AGMO: variants seen among roughly 807,000 people sequenced by gnomAD.
AGMO encodes glyceryl-ether monooxygenase.
A neutral mutation model predicts 60.2 loss-of-function variants in AGMO; 75 were observed. The ratio of observed to expected loss-of-function variants is 1.25; its 90% confidence interval spans 1.03 to 1.51. The LOEUF (loss-of-function observed/expected upper bound fraction) is 1.51. Ranked by LOEUF, AGMO falls within the 40% of genes most tolerant of loss-of-function variation. The pLI is 0.00. For synonymous variants in AGMO, 261 were observed against 177.1 expected (o/e 1.47, Z -3.76); for missense variants, 763 against 525.5 (o/e 1.45, Z -4.42).
rs1554279782 is a variant in AGMO at position 15,499,932 on chromosome 7, C to CATAT, written c.409+44836_409+44839dup. 2.9e-3 allele frequency among the ~76,000 whole-genome samples: 401 copies of CATAT among 138,948 alleles called. 4 individuals are homozygous for CATAT. The Middle Eastern group carries it at 0.032, about 11-fold the overall frequency. The allele number at this position is 138,948 out of a possible 152,430, so 91.2% of individuals were successfully genotyped here. A position where few individuals can be genotyped will look rare whatever the true frequency, so the allele number is the denominator to read the frequency against. On this transcript the variant is annotated intron_variant, in intron 3 of 12. Transcript: ENST00000342526. ...GCACACACACACACACACACACACA[C>CATAT]ATATATATATATAATATATATATTT...
At chr7:15,438,101 AT>A (rs1342356484) in intron 3 of AGMO, among the ~76,000 whole-genome samples, 18 of 152,280 alleles carry the variant, frequency 1.2e-4, no homozygotes, top group Middle Eastern at 3.4e-3. Flanking sequence ...AAAACGATAG[AT>A]TTTTAGTACG....
At chr7:15,302,845 C>T (rs1322370969) in intron 12 of AGMO, among the ~76,000 whole-genome samples, 2 of 152,052 alleles carry the variant, frequency 1.3e-5, no homozygotes, top group Admixed American at 1.3e-4. Context: ...AAAGATAGGA[C>T]TGAAGCCATG....
At chr7:15,312,769 T>C (rs2128532868) in intron 12 of AGMO, among the ~76,000 whole-genome samples, 1 of 151,840 alleles carries the variant, frequency 6.6e-6, no homozygotes, top group Non-Finnish European at 1.5e-5. Context: ...CTGCAACCTC[T>C]GCCTCCTGGG....
intron 12 of AGMO, among the ~76,000 whole-genome samples, chr7:15,267,953 C>G (rs1377561866): frequency 1.3e-5 from 2 of 151,906 alleles, no homozygotes. Flanking sequence ...AAATTTTACT[C>G]TAAATTAAAT....
the AGMO span, among the ~76,000 whole-genome samples, chr7:15,126,768 C>A: frequency 6.6e-6 from 1 of 152,076 alleles, no homozygotes; most frequent in East Asian, 1.9e-4. Flanking sequence ...TGGGAAAAAT[C>A]CACATTCTAT....
In AGMO at chr7:15,313,826, G is replaced by GC. The variant is rs1241682002; in HGVS notation, c.1263+51687_1263+51688insG. Among the ~76,000 whole-genome samples the GC allele has an allele frequency of 1.7e-4, 26 of 151,922 alleles. No homozygotes were observed. The South Asian group carries it at 2.7e-3, about 16-fold the overall frequency. On this transcript the variant is annotated intron_variant, in intron 12 of 12. Transcript: ENST00000342526. ...AATAACAATAACTAATAATAACATA[G>GC]TACAATTATAGCAATGTTCTGTAAT...
At chr7:15,265,435 G>C (rs1392590114) in intron 12 of AGMO, among the ~76,000 whole-genome samples, 1 of 151,554 alleles carries the variant, frequency 6.6e-6, no homozygotes, top group Admixed American at 6.6e-5. Context: ...ATTTAATCTA[G>C]AATACACTAT....
intron 2 of AGMO, among the ~76,000 whole-genome samples, chr7:15,553,713 T>C (rs1785045395): frequency 6.6e-6 from 1 of 151,162 alleles, no homozygotes; most frequent in Non-Finnish European, 1.5e-5. Context: ...TGTAAAAAAA[T>C]ACATAAATAA....
rs1782967323 is a variant in AGMO at position 15,488,042 on chromosome 7, GCT to G, written c.409+56728_409+56729del. Among the ~76,000 whole-genome samples, 5 of 152,132 alleles carry G rather than the reference GCT, an allele frequency of 3.3e-5. No individual in the cohort carries two copies. In the South Asian group the frequency reaches 1.0e-3, roughly 32 times the overall value. ...TTCCCCGAGATCTGTTTAGAATGAG[GCT>G]CTGTTTCTAAGAAGGAAAGGAAGGA... On this transcript the variant is annotated intron_variant, in intron 3 of 12. Transcript: ENST00000342526.
intron 12 of AGMO, among the ~76,000 whole-genome samples, chr7:15,352,620 A>G (rs1782290102): frequency 6.6e-6 from 1 of 151,906 alleles, no homozygotes; most frequent in Admixed American, 6.6e-5. Context: ...CTGGAACCAG[A>G]CATTCTGGCC....
chr7:15,218,923 G>A (rs965933632), intron 12 of AGMO, among the ~76,000 whole-genome samples: 1 of 152,102 alleles, frequency 6.6e-6, no homozygotes, highest in African/African-American at 2.4e-5. Context: ...ACTGAATAAG[G>A]TGAATCTTAT....
chr7:15,335,410 A>T (rs1369692825), intron 12 of AGMO, among the ~76,000 whole-genome samples: 1 of 152,148 alleles, frequency 6.6e-6, no homozygotes, highest in African/African-American at 2.4e-5. Flanking sequence ...AAGTGGAAAT[A>T]TTTCTTCTGT....
chr7:15,467,486 T>C (rs941787145), intron 3 of AGMO, among the ~76,000 whole-genome samples: 3 of 152,200 alleles, frequency 2.0e-5, no homozygotes, highest in African/African-American at 7.2e-5. Flanking sequence ...CTGAAGACAT[T>C]GTAATGTTTT....
chr7:15,118,876 ATTTTTTTTTTTTTTTTTTTT>A, the AGMO span, among the ~76,000 whole-genome samples: 80 of 81,758 alleles, frequency 9.8e-4, no homozygotes, highest in East Asian at 2.7e-3. Context: ...AGACGTCAGT[ATTTTTTTTTTTTTTTTTTTT>A]TTTTTTTTTT....
At chr7:15,299,593 A>C (rs1451551769) in intron 12 of AGMO, among the ~76,000 whole-genome samples, 2 of 152,152 alleles carry the variant, frequency 1.3e-5, no homozygotes, top group Non-Finnish European at 2.9e-5. Context: ...TGGGAGGCCA[A>C]GGCGGGCAGA....
At chr7:15,319,452 G>C (rs1267964601) in intron 12 of AGMO, among the ~76,000 whole-genome samples, 1 of 152,084 alleles carries the variant, frequency 6.6e-6, no homozygotes, top group Non-Finnish European at 1.5e-5. Flanking sequence ...TGTACCCTAG[G>C]ATAAGGATAT....
At chr7:15,287,967 G>T (rs954540420) in intron 12 of AGMO, among the ~76,000 whole-genome samples, 1 of 151,958 alleles carries the variant, frequency 6.6e-6, no homozygotes, top group Non-Finnish European at 1.5e-5. Context: ...AGATTAATTT[G>T]ACTAGAATAG....
chr7:15,464,423 G>C (rs182426935), intron 3 of AGMO, among the ~76,000 whole-genome samples: 1 of 152,258 alleles, frequency 6.6e-6, no homozygotes, highest in Admixed American at 6.5e-5. Context: ...ATGTGACATG[G>C]TATATCTGGA....
intron 12 of AGMO, among the ~76,000 whole-genome samples, chr7:15,287,826 C>T (rs1784143190): frequency 6.6e-6 from 1 of 151,856 alleles, no homozygotes; most frequent in Admixed American, 6.6e-5. Flanking sequence ...GAATACATTA[C>T]CAAATGTTTT....
Sources: allele counts gnomAD v4.1 joint callset (sites outside exome capture counted in the v4.1 genomes callset), GRCh38; gene constraint gnomAD v4.1.1; transcripts MANE v1.5; gene names NCBI Gene and HGNC (gene_info 2026-07-23, HGNC 2026-07-21).